The following OSBPL11 variants were observed in gnomAD, a reference collection of about 807,000 sequenced individuals.
OSBPL11 encodes oxysterol binding protein like 11, also known as oxysterol-binding protein-related protein 11.
Under a neutral mutation model 84.4 loss-of-function variants are expected in OSBPL11, and 33 were observed. The ratio of observed to expected loss-of-function variants is 0.39; its 90% CI spans 0.30 to 0.52. OSBPL11 has a LOEUF of 0.52. Among genes scored for constraint, OSBPL11 ranks in the 20% least tolerant of loss-of-function variants. The probability of loss-of-function intolerance (pLI) is 0.72; values close to 1 mark genes in which losing one functional copy is unlikely to be tolerated. For synonymous variants in OSBPL11, 276 were observed against 310.2 expected (o/e 0.89, Z 1.16); for missense variants, 736 against 901.1 (o/e 0.82, Z 2.35).
At chr3:125,562,333 T>C (rs1936090758) in intron 7 of OSBPL11, among the ~76,000 whole-genome samples, 2 of 152,356 alleles carry the variant, frequency 1.3e-5, no homozygotes, top group East Asian at 3.9e-4. Context: ...CTTAGCATTG[T>C]ACTTGCCATA....
At chr3:125,538,085 T>A (rs1458061339) in intron 11 of OSBPL11, among the ~76,000 whole-genome samples, 3 of 152,244 alleles carry the variant, frequency 2.0e-5, no homozygotes. Flanking sequence ...GATGTTCCGA[T>A]ATTTTTGCAC....
rs1322095225 is a variant in OSBPL11, at chr3:125,529,420, C to T, written c.*1095G>A. 1 of 148,880 alleles carries T rather than the reference C, an allele frequency of 6.7e-6. No homozygotes were observed. Among genetic ancestry groups the T allele is most frequent in the Non-Finnish European group, 1.5e-5 (1 of 67,634 alleles). 9.2% of individuals were successfully genotyped at this position (148,880 alleles called of 1,614,324 possible). ...TTTTTTTCCTGATACCTTTTCATTTCGTTGTTTCTTTAGCATTTAAATTTC... is the reference window on the plus strand; with the variant it reads ...TTTTTTTCCTGATACCTTTTCATTTTGTTGTTTCTTTAGCATTTAAATTTC... On this transcript the variant is annotated 3_prime_UTR_variant, in exon 13 of 13. Transcript: ENST00000296220.
intron 10 of OSBPL11, among the ~76,000 whole-genome samples, chr3:125,546,701 G>A (rs900673486): frequency 6.6e-6 from 1 of 152,036 alleles, no homozygotes; most frequent in Non-Finnish European, 1.5e-5. Flanking sequence ...GACCAGCCTG[G>A]CCAACATGGT....
At chr3:125,570,330 CAA>C (rs1251584217) in intron 5 of OSBPL11, among the ~76,000 whole-genome samples, 33 of 119,260 alleles carry the variant, frequency 2.8e-4, no homozygotes, top group Middle Eastern at 4.3e-3. Context: ...CCATCTCTAG[CAA>C]AAAAAAAAAA....
At chr3:125,571,921 C>T (rs193023726) in intron 5 of OSBPL11, among the ~76,000 whole-genome samples, 22 of 152,308 alleles carry the variant, frequency 1.4e-4, no homozygotes, top group Admixed American at 4.6e-4. Flanking sequence ...AGAAGAGGGC[C>T]GCTGTCCTCC....
intron 4 of OSBPL11, 141 bp downstream of exon 4, chr3:125,578,819 A>T: frequency 2.3e-6 from 1 of 433,006 alleles, no homozygotes; most frequent in Non-Finnish European, 4.1e-6. Context: ...TGAATATACT[A>T]AAAACCACAG....
At chr3:125,532,617 C>T (rs1580028296) in intron 11 of OSBPL11, among the ~76,000 whole-genome samples, 3 of 150,124 alleles carry the variant, frequency 2.0e-5, no homozygotes, top group East Asian at 3.9e-4. Flanking sequence ...CACAACACTT[C>T]TTTAGGGAAA....
intron 8 of OSBPL11, among the ~76,000 whole-genome samples, chr3:125,559,931 TA>T (rs56316048): frequency 0.074 from 10,484 of 141,924 alleles, 465 homozygotes; most frequent in Non-Finnish European, 0.1. Flanking sequence ...ATCAGGAGAC[TA>T]AAAAAAAAAA....
intron 5 of OSBPL11, among the ~76,000 whole-genome samples, chr3:125,574,968 T>C (rs12492154): frequency 0.067 from 10,193 of 152,272 alleles, 467 homozygotes; most frequent in Non-Finnish European, 0.098. Context: ...GCATCTAACA[T>C]TTAAGAAACT....
At chr3:125,568,828 C>A (rs750811227) in intron 5 of OSBPL11, among the ~76,000 whole-genome samples, 1 of 152,176 alleles carries the variant, frequency 6.6e-6, no homozygotes, top group Non-Finnish European at 1.5e-5. Flanking sequence ...TGCTTAATGA[C>A]CTTCAGGTGT....
At chr3:125,583,277 C>T (rs1420704614) in intron 1 of OSBPL11, among the ~76,000 whole-genome samples, 4 of 151,788 alleles carry the variant, frequency 2.6e-5, no homozygotes, top group African/African-American at 9.7e-5. Flanking sequence ...AACAAATATA[C>T]TATAAGTATT....
intron 9 of OSBPL11, among the ~76,000 whole-genome samples, 168 bp downstream of exon 9, chr3:125,552,013 C>T (rs1405983799): frequency 6.6e-6 from 1 of 151,636 alleles, no homozygotes; most frequent in African/African-American, 2.4e-5. Context: ...ATAAAACAGG[C>T]ACTTGACCTT....
Position 125,579,991 on chromosome 3 carries a change from C to G in OSBPL11, c.283G>C (p.Glu95Gln). 6.2e-7 allele frequency: 1 copy of G among 1,614,170 alleles called. No homozygotes were observed. Among genetic ancestry groups the G allele is most frequent in the Non-Finnish European group, 8.5e-7 (1 of 1,180,014 alleles). Residue 95 changes from glutamate (E) to glutamine (Q), a missense_variant, in exon 3 of 13, where the codon GAA (glutamate) becomes CAA (glutamine). Coordinates refer to ENST00000296220, the MANE Select transcript of OSBPL11 (RefSeq NM_022776.5). Reference sequence around the variant, plus strand: ...CTAGGTTTCTGATTTCTAGACTGTTCATTCACAAAGTACTCCAACAGCCCA... The same window carrying G: ...CTAGGTTTCTGATTTCTAGACTGTTGATTCACAAAGTACTCCAACAGCCCA... ...EAGLLEYFVN[E>Q]QSRNQKPRGT...
intron 9 of OSBPL11, 50 bp downstream of exon 9, chr3:125,552,131 A>ATG (rs753284839): frequency 2.9e-5 from 28 of 951,148 alleles, no homozygotes; most frequent in South Asian, 9.8e-5. Flanking sequence ...ACATATATAT[A>ATG]TGTGTGTGTG....
At chr3:125,563,629 A>C in intron 7 of OSBPL11, 69 bp downstream of exon 7, 1 of 1,523,346 alleles carries the variant, frequency 6.6e-7, no homozygotes, top group South Asian at 1.1e-5. Context: ...TGACAATGAA[A>C]AGAAAACTGA....
chr3:125,559,759 C>A (rs901458145), intron 8 of OSBPL11, among the ~76,000 whole-genome samples: 1 of 152,034 alleles, frequency 6.6e-6, no homozygotes, highest in African/African-American at 2.4e-5. Context: ...AACTTCTGAC[C>A]TCAATTGATC....
intron 5 of OSBPL11, among the ~76,000 whole-genome samples, chr3:125,575,147 G>C (rs1580058048): frequency 1.3e-5 from 2 of 152,138 alleles, no homozygotes; most frequent in East Asian, 3.8e-4. Flanking sequence ...AAACGGATAT[G>C]AGAATTCCGT....
chr3:125,567,320 A>G, intron 6 of OSBPL11, 74 bp downstream of exon 6: 1 of 1,291,338 alleles, frequency 7.7e-7, no homozygotes, highest in African/African-American at 1.5e-5. Context: ...TTCTGAAATT[A>G]GAATTACAAC....
chr3:125,544,740 G>C (rs1000157621), intron 10 of OSBPL11, among the ~76,000 whole-genome samples: 1 of 152,126 alleles, frequency 6.6e-6, no homozygotes, highest in African/African-American at 2.4e-5. Context: ...AGATGAGATG[G>C]CCCTATATGC....
Sources: allele counts gnomAD v4.1 joint callset (sites outside exome capture counted in the v4.1 genomes callset), GRCh38; gene constraint gnomAD v4.1.1; transcripts MANE v1.5; gene names NCBI Gene and HGNC (gene_info 2026-07-23, HGNC 2026-07-21).